Variants in CREM observed in about 807,000 individuals in gnomAD.
CREM encodes the protein cAMP responsive element modulator.
A neutral mutation model predicts 37.3 loss-of-function variants in CREM; 13 were observed. That is an observed-to-expected ratio of 0.35 (90% CI 0.23 to 0.55). The LOEUF is 0.55. Among genes scored for constraint, CREM ranks in the 20% least tolerant of loss-of-function variants. CREM has a pLI of 0.88. For missense variants in CREM, 296 were observed against 362.3 expected (o/e 0.82, Z 1.49); for synonymous variants, 124 against 120.2 (o/e 1.03, Z -0.21).
intron 3 of CREM, among the ~76,000 whole-genome samples, chr10:35,156,605 C>A (rs972345140): frequency 6.6e-6 from 1 of 152,090 alleles, no homozygotes; most frequent in Admixed American, 6.5e-5. Context: ...CTTGTAAATC[C>A]CAGACTATTA....
intron 6 of CREM, among the ~76,000 whole-genome samples, chr10:35,194,442 A>AT (rs979705635): frequency 6.6e-6 from 1 of 152,216 alleles, no homozygotes; most frequent in Non-Finnish European, 1.5e-5. Flanking sequence ...TGAAACTGCT[A>AT]TTTTTGTAGG....
intron 5 of CREM, among the ~76,000 whole-genome samples, chr10:35,187,177 T>TA (rs1564923003): frequency 4.7e-5 from 2 of 42,192 alleles, no homozygotes; most frequent in East Asian, 5.3e-4. Context: ...ATATTAATAT[T>TA]AATATATAAA....
intron 1 of CREM, among the ~76,000 whole-genome samples, chr10:35,135,843 A>G (rs886751031): frequency 4.6e-5 from 7 of 152,082 alleles, no homozygotes; most frequent in African/African-American, 1.7e-4. Context: ...TTCAAAGAGG[A>G]CAAAGTTTCA....
chr10:35,151,721 A>G (rs967019339), intron 3 of CREM, among the ~76,000 whole-genome samples: 1 of 152,220 alleles, frequency 6.6e-6, no homozygotes, highest in Non-Finnish European at 1.5e-5. Context: ...TATCTTTCAC[A>G]TGCTAGAAAT....
At chr10:35,210,772 A>T (rs988632198) in intron 7 of CREM, 2 of 152,456 alleles carry the variant, frequency 1.3e-5, no homozygotes, top group Admixed American at 6.5e-5. Context: ...TTTTACTGAG[A>T]TTTAGTTTTG....
At chr10:35,209,370 A>G (rs2095613749) in intron 7 of CREM, 1 of 985,368 alleles carries the variant, frequency 1.0e-6, no homozygotes, top group Non-Finnish European at 1.2e-6. Flanking sequence ...ATACACCCAG[A>G]CACATGCAAG....
At chr10:35,137,297 A>G (rs1789596670) in intron 1 of CREM, among the ~76,000 whole-genome samples, 1 of 152,176 alleles carries the variant, frequency 6.6e-6, no homozygotes. Context: ...TTGGAGTTTA[A>G]TTTTTTAACA....
intron 1 of CREM, among the ~76,000 whole-genome samples, chr10:35,128,910 T>C (rs1403365394): frequency 1.3e-5 from 2 of 152,184 alleles, no homozygotes; most frequent in Admixed American, 1.3e-4. Flanking sequence ...TCTAAAGTAA[T>C]TTTTTTCCCA....
intron 3 of CREM, among the ~76,000 whole-genome samples, chr10:35,170,240 C>T (rs1443103155): frequency 1.3e-5 from 2 of 152,170 alleles, no homozygotes; most frequent in African/African-American, 2.4e-5. Flanking sequence ...GCTGGGATTA[C>T]AGGCGTGAGC....
At chr10:35,157,179 T>A (rs1174983114) in intron 3 of CREM, among the ~76,000 whole-genome samples, 1 of 152,190 alleles carries the variant, frequency 6.6e-6, no homozygotes, top group African/African-American at 2.4e-5. Flanking sequence ...AAAAAACATT[T>A]GAAAAATTCA....
In CREM at chr10:35,132,254, G is replaced by C. The variant is rs182528162; in HGVS notation, c.-55+5061G>C. On this transcript the variant is annotated intron_variant, in intron 1 of 7. Coordinates refer to ENST00000685392, the MANE Select transcript of CREM (RefSeq NM_183011.2). ...TGGTTTCACATGAAGTGGTGGTGGCGGGGGAGGGAGGTGTTTGAAAGGATG... is the reference window on the plus strand; with the variant it reads ...TGGTTTCACATGAAGTGGTGGTGGCCGGGGAGGGAGGTGTTTGAAAGGATG... 4.7e-3 allele frequency among the ~76,000 whole-genome samples: 712 copies of C among 151,870 alleles called. 7 individuals carry two copies. Among genetic ancestry groups the C allele is most frequent in the Middle Eastern group, 0.014 (4 of 292 alleles).
At chr10:35,208,809 C>G (rs114722613) in intron 7 of CREM, among the ~76,000 whole-genome samples, 2 of 152,126 alleles carry the variant, frequency 1.3e-5, no homozygotes, top group Admixed American at 1.3e-4. Flanking sequence ...GTCTTTAGTC[C>G]CTAGCTGTAC....
At chr10:35,196,178 G>T in intron 6 of CREM, 2 of 1,464,564 alleles carry the variant, frequency 1.4e-6, no homozygotes, top group South Asian at 1.2e-5. Flanking sequence ...AAGCTGGCGG[G>T]TTCTTTACTC....
intron 7 of CREM, among the ~76,000 whole-genome samples, chr10:35,207,461 T>TAAATAA (rs71933994): frequency 8.7e-5 from 13 of 149,490 alleles, no homozygotes; most frequent in Admixed American, 6.7e-4. Context: ...ATAATATCAA[T>TAAATAA]AAATAAAAAT....
intron 2 of CREM, among the ~76,000 whole-genome samples, chr10:35,141,192 T>A (rs781458230): frequency 3.3e-5 from 5 of 152,184 alleles, no homozygotes; most frequent in African/African-American, 9.7e-5. Context: ...TCTTATAGAG[T>A]TGTTAATCAA....
chr10:35,201,555 A>G, intron 6 of CREM: 5 of 1,546,956 alleles, frequency 3.2e-6, no homozygotes, highest in Non-Finnish European at 4.4e-6. Context: ...CCGTGTTTAA[A>G]GCTTGCAAAG....
intron 3 of CREM, among the ~76,000 whole-genome samples, chr10:35,169,090 G>T (rs1392841454): frequency 1.3e-5 from 2 of 152,020 alleles, no homozygotes; most frequent in East Asian, 1.9e-4. Context: ...GGCTCTTTTT[G>T]GGTTCCATAT....
intron 6 of CREM, among the ~76,000 whole-genome samples, chr10:35,189,473 T>C (rs1041659296): frequency 6.6e-6 from 1 of 152,032 alleles, no homozygotes; most frequent in Non-Finnish European, 1.5e-5. Flanking sequence ...AGCACTATTT[T>C]TTAAAAATTT....
At chr10:35,184,761 A>G (rs551585108) in intron 5 of CREM, among the ~76,000 whole-genome samples, 4 of 152,130 alleles carry the variant, frequency 2.6e-5, no homozygotes, top group Non-Finnish European at 5.9e-5. Flanking sequence ...CTGTGGGGAA[A>G]CATTACTGAA....
Sources: allele counts gnomAD v4.1 joint callset (sites outside exome capture counted in the v4.1 genomes callset), GRCh38; gene constraint gnomAD v4.1.1; transcripts MANE v1.5; gene names NCBI Gene and HGNC (gene_info 2026-07-23, HGNC 2026-07-21).